USH2A: variants seen among roughly 807,000 people sequenced by gnomAD.
The protein encoded by USH2A is Usher syndrome 2A (autosomal recessive, mild).
A neutral mutation model predicts 538.9 loss-of-function variants in USH2A; 443 were observed. The observed-to-expected ratio is 0.82, with a 90% CI of 0.76 to 0.89. The LOEUF is 0.89. Ranked by LOEUF, USH2A falls within the 40% of genes least tolerant of loss-of-function variation. The pLI, the probability that USH2A is intolerant of heterozygous loss-of-function variation, is 0.00. For synonymous variants in USH2A, 2,413 were observed against 2,273.5 expected (o/e 1.06, Z -1.75); for missense variants, 6,633 against 6,324.8 (o/e 1.05, Z -1.65).
At chr1:215,929,676 A>T (rs754722141) in intron 38 of USH2A, among the ~76,000 whole-genome samples, 1 of 152,090 alleles carries the variant, frequency 6.6e-6, no homozygotes, top group Non-Finnish European at 1.5e-5. Flanking sequence ...AACACATTAC[A>T]TATAATATGT....
At chr1:216,333,179 C>T (rs1301230324) in intron 4 of USH2A, among the ~76,000 whole-genome samples, 2 of 151,954 alleles carry the variant, frequency 1.3e-5, no homozygotes, top group African/African-American at 2.4e-5. Context: ...CATGGTGGCT[C>T]ATGCCTGTAA....
intron 4 of USH2A, among the ~76,000 whole-genome samples, chr1:216,361,106 C>G (rs1385064152): frequency 6.6e-6 from 1 of 152,074 alleles, no homozygotes; most frequent in African/African-American, 2.4e-5. Flanking sequence ...CCCATCTTCA[C>G]ATATACAGAG....
intron 38 of USH2A, among the ~76,000 whole-genome samples, chr1:215,912,465 A>ATATATATATACGTATATATATATATGTG (rs1558157840): frequency 8.4e-5 from 1 of 11,946 alleles, no homozygotes; most frequent in Non-Finnish European, 2.0e-4. Flanking sequence ...ATATATATAT[A>ATATATATATACGTATATATATATATGTG]TATATATATA....
In USH2A at chr1:216,323,503, A is replaced by G; in HGVS notation, c.1521T>C (p.Tyr507=). Residue 507 remains tyrosine, a synonymous_variant, in exon 8 of 72, where the codon TAT becomes TAC. Transcript: ENST00000307340. ...ETAVNLRHRY[Y]AVDEITISGR... The stretch of plus-strand genomic sequence containing the variant: ...CACTAATGGTGATTTCGTCCACTGC[A>G]TAATATCTGTGTCTGAGGTTAACAG... The G allele has an allele frequency of 6.2e-7, 1 of 1,613,520 alleles. No individual in the cohort carries two copies. Among genetic ancestry groups the G allele is most frequent in the East Asian group, 2.2e-5 (1 of 44,792 alleles).
rs184124270 is a variant in USH2A at position 215,952,575 on chromosome 1, G to A, written c.7120+12742C>T. On this transcript the variant is annotated intron_variant, in intron 37 of 71. Coordinates refer to ENST00000307340, the MANE Select transcript of USH2A (RefSeq NM_206933.4). Reference sequence around the variant, plus strand: ...CAGGAGCTCTTTTAGGGCAGGTGTGGTGGTGACAAAATCTCTCAGCATTTG... The same window carrying A: ...CAGGAGCTCTTTTAGGGCAGGTGTGATGGTGACAAAATCTCTCAGCATTTG... 1.8e-3 allele frequency among the ~76,000 whole-genome samples: 276 copies of A among 152,218 alleles called. 9 individuals carry two copies. In the East Asian group the frequency reaches 0.047, roughly 26 times the overall value.
At chr1:216,147,390 C>G (rs941091483) in intron 21 of USH2A, among the ~76,000 whole-genome samples, 1 of 152,122 alleles carries the variant, frequency 6.6e-6, no homozygotes, top group Non-Finnish European at 1.5e-5. Flanking sequence ...AAAAAGGTGG[C>G]TGGAGCTAAA....
intron 69 of USH2A, among the ~76,000 whole-genome samples, chr1:215,636,344 T>G (rs1656486123): frequency 6.6e-6 from 1 of 152,176 alleles, no homozygotes; most frequent in Non-Finnish European, 1.5e-5. Context: ...AGGAGGGATA[T>G]TACTTTGCCA....
chr1:215,908,149 C>CAT (rs34659478), intron 38 of USH2A, among the ~76,000 whole-genome samples: 140,012 of 151,874 alleles, frequency 0.92, 64,579 homozygotes, highest in East Asian at 1. Context: ...GGCTAAGCAA[C>CAT]GTCTCAATGA....
rs1655964416 is a variant in USH2A, at chr1:215,625,038, A to G, written c.*743T>C. On this transcript the variant is annotated 3_prime_UTR_variant, in exon 72 of 72. Transcript: ENST00000307340. Reference sequence around the variant, plus strand: ...CATTGGTTCAAGTAGAGGTGTTCCTAGTGAAACACTTTGTTTTCTCCTCAA... The same window carrying G: ...CATTGGTTCAAGTAGAGGTGTTCCTGGTGAAACACTTTGTTTTCTCCTCAA... 1 of 152,240 alleles carries G rather than the reference A, an allele frequency of 6.6e-6. No homozygotes were observed. The highest frequency in any genetic ancestry group is 2.4e-5 in the African/African-American group (1 of 41,458). 9.4% of individuals were successfully genotyped at this position (152,240 alleles called of 1,614,324 possible). A position where few individuals can be genotyped will look rare whatever the true frequency, so the allele number is the denominator to read the frequency against.
chr1:215,776,481 A>T (rs1373551246), intron 55 of USH2A, among the ~76,000 whole-genome samples: 1 of 152,104 alleles, frequency 6.6e-6, no homozygotes, highest in Non-Finnish European at 1.5e-5. Context: ...ATGTTTCTAA[A>T]GCTTTGAGGT....
At chr1:216,006,631 C>T (rs1668398599) in intron 32 of USH2A, among the ~76,000 whole-genome samples, 1 of 152,114 alleles carries the variant, frequency 6.6e-6, no homozygotes, top group Admixed American at 6.5e-5. Context: ...ACTTTTCAGC[C>T]ATAATTATGT....
intron 56 of USH2A, among the ~76,000 whole-genome samples, chr1:215,763,812 G>A (rs1025782207): frequency 2.6e-5 from 4 of 152,130 alleles, no homozygotes; most frequent in Non-Finnish European, 5.9e-5. Context: ...TTATAGCTAT[G>A]AGGATCTGAA....
At chr1:215,705,300 T>A (rs1659154373) in intron 61 of USH2A, among the ~76,000 whole-genome samples, 1 of 152,250 alleles carries the variant, frequency 6.6e-6, no homozygotes, top group African/African-American at 2.4e-5. Flanking sequence ...ATGAAGTGAC[T>A]GTTTCTGTGC....
chr1:215,634,358 C>A (rs564769348), intron 70 of USH2A, 101 bp downstream of exon 70: 100 of 1,581,460 alleles, frequency 6.3e-5, no homozygotes, highest in Middle Eastern at 2.0e-4. Context: ...TAACTTACAT[C>A]TAATTCCTTG....
chr1:216,257,051 A>G (rs2036274070), intron 11 of USH2A, among the ~76,000 whole-genome samples: 1 of 151,978 alleles, frequency 6.6e-6, no homozygotes, highest in Admixed American at 6.6e-5. Context: ...TAAACTGTCA[A>G]CTATATTTAA....
intron 3 of USH2A, among the ~76,000 whole-genome samples, chr1:216,366,629 G>C (rs907100252): frequency 6.6e-6 from 1 of 151,814 alleles, no homozygotes; most frequent in Non-Finnish European, 1.5e-5. Context: ...AAAAAAACAG[G>C]AAGTTACTAC....
intron 4 of USH2A, among the ~76,000 whole-genome samples, chr1:216,361,109 A>T (rs1027399127): frequency 6.6e-6 from 1 of 152,142 alleles, no homozygotes; most frequent in African/African-American, 2.4e-5. Flanking sequence ...ATCTTCACAT[A>T]TACAGAGACC....
chr1:215,941,319 A>G (rs1329154076), intron 37 of USH2A, among the ~76,000 whole-genome samples: 1 of 152,160 alleles, frequency 6.6e-6, no homozygotes, highest in Non-Finnish European at 1.5e-5. Flanking sequence ...ATATATATGT[A>G]TATAAACACA....
rs1219825736 is a variant in USH2A at position 216,128,802 on chromosome 1, TA to T, written c.4628-31590del. 2.0e-5 allele frequency among the ~76,000 whole-genome samples: 3 copies of T among 152,192 alleles called. No homozygotes were observed. In the East Asian group the frequency reaches 5.8e-4, roughly 29 times the overall value. ...TTTCAAATATACAATAAATTATTGTTAATTATAGTCACACTATTTTGTTACC... is the reference window on the plus strand; with the variant it reads ...TTTCAAATATACAATAAATTATTGTTATTATAGTCACACTATTTTGTTACC... On this transcript the variant is annotated intron_variant, in intron 21 of 71. Coordinates refer to ENST00000307340, the MANE Select transcript of USH2A (RefSeq NM_206933.4).
Sources: allele counts gnomAD v4.1 joint callset (sites outside exome capture counted in the v4.1 genomes callset), GRCh38; gene constraint gnomAD v4.1.1; transcripts MANE v1.5; gene names NCBI Gene and HGNC (gene_info 2026-07-23, HGNC 2026-07-21).